The following CREB5 variants were observed in gnomAD, a reference collection of about 807,000 sequenced individuals.
The protein encoded by CREB5 is cyclic AMP-responsive element-binding protein 5.
A neutral mutation model predicts 57.1 loss-of-function variants in CREB5; 19 were observed. That is an observed-to-expected ratio of 0.33 (90% CI 0.23 to 0.49). The LOEUF is 0.49. Among genes scored for constraint, CREB5 ranks in the 20% least tolerant of loss-of-function variants. The probability of loss-of-function intolerance (pLI) is 0.99; values close to 1 mark genes in which losing one functional copy is unlikely to be tolerated. For synonymous variants in CREB5, 238 were observed against 238.3 expected (o/e 1.00, Z 0.01); for missense variants, 579 against 671.6 (o/e 0.86, Z 1.52).
intron 7 of CREB5, among the ~76,000 whole-genome samples, chr7:28,759,223 G>T (rs1805509897): frequency 6.6e-6 from 1 of 152,158 alleles, no homozygotes; most frequent in Admixed American, 6.5e-5. Flanking sequence ...ATGCCACAGA[G>T]ATTGTACTGG....
chr7:28,661,627 T>C (rs1329119312), intron 5 of CREB5, among the ~76,000 whole-genome samples: 2 of 152,236 alleles, frequency 1.3e-5, no homozygotes, highest in East Asian at 1.9e-4. Context: ...CCTATCTTTA[T>C]TGAAACAGAG....
At chr7:28,587,642 G>A (rs952489639) in intron 5 of CREB5, among the ~76,000 whole-genome samples, 7 of 152,154 alleles carry the variant, frequency 4.6e-5, no homozygotes, top group African/African-American at 1.4e-4. Context: ...TACATAAAGA[G>A]CAAGGCTAAA....
chr7:28,424,469 A>T (rs1788412171), intron 1 of CREB5, among the ~76,000 whole-genome samples: 2 of 152,210 alleles, frequency 1.3e-5, no homozygotes, highest in African/African-American at 4.8e-5. Flanking sequence ...GTCTTCGGAG[A>T]TGGGGATCCA....
At chr7:28,304,027 A>G (rs1388410203) in intron 1 of CREB5, among the ~76,000 whole-genome samples, 1 of 152,202 alleles carries the variant, frequency 6.6e-6, no homozygotes, top group Non-Finnish European at 1.5e-5. Context: ...TCCATTTGGA[A>G]TGCTATAATG....
At chr7:28,543,951 G>A (rs1280184301) in intron 4 of CREB5, among the ~76,000 whole-genome samples, 3 of 148,970 alleles carry the variant, frequency 2.0e-5, no homozygotes, top group African/African-American at 7.5e-5. Flanking sequence ...TATCTATCTC[G>A]TATGAGTGCC....
intron 7 of CREB5, among the ~76,000 whole-genome samples, chr7:28,768,000 TA>T (rs1211380324): frequency 2.0e-5 from 3 of 152,224 alleles, no homozygotes; most frequent in African/African-American, 7.2e-5. Context: ...AAAATTGGTC[TA>T]AGATCCCCAT....
At chr7:28,489,906 C>T (rs1361368439) in intron 2 of CREB5, among the ~76,000 whole-genome samples, 1 of 152,152 alleles carries the variant, frequency 6.6e-6, no homozygotes, top group Admixed American at 6.5e-5. Context: ...TCCTGCTAGA[C>T]CAGGACTCTT....
Position 28,819,245 on chromosome 7 carries a change from C to CGT in CREB5, c.1493_1494insGT (p.Thr499SerfsTer7). The CGT allele has an allele frequency of 6.2e-7, 1 of 1,613,806 alleles. No homozygotes were observed. The highest frequency in any genetic ancestry group is 8.5e-7 in the Non-Finnish European group (1 of 1,179,840). Reference sequence around the variant, plus strand: ...GGAAGCTCCACCCTCAGCCAGCTCACCACTCACAGAACAGACCTGAATCCG... The same window carrying CGT: ...GGAAGCTCCACCCTCAGCCAGCTCACGTCACTCACAGAACAGACCTGAATCCG... On this transcript the variant is annotated frameshift_variant, in exon 11 of 11. Coordinates refer to ENST00000357727, the MANE Select transcript of CREB5 (RefSeq NM_182898.4). LOFTEE classifies it high-confidence loss of function.
At chr7:28,462,579 A>G (rs77735020) in intron 1 of CREB5, among the ~76,000 whole-genome samples, 1 of 152,252 alleles carries the variant, frequency 6.6e-6, no homozygotes, top group African/African-American at 2.4e-5. Flanking sequence ...ATCATCACCA[A>G]CACTTTCCGG....
At chr7:28,515,974 G>A (rs1360724101) in intron 4 of CREB5, among the ~76,000 whole-genome samples, 4 of 151,926 alleles carry the variant, frequency 2.6e-5, no homozygotes, top group African/African-American at 7.3e-5. Context: ...GGGAGGCCTC[G>A]GGGTGAGAGG....
chr7:28,783,060 T>TGTGAAACAGTGAAGAGGTTCTAA (rs1807082456), intron 7 of CREB5, among the ~76,000 whole-genome samples: 1 of 152,184 alleles, frequency 6.6e-6, no homozygotes, highest in Non-Finnish European at 1.5e-5. Flanking sequence ...TGGGGATTGA[T>TGTGAAACAGTGAAGAGGTTCTAA]GTGAAACAGT....
chr7:28,510,685 T>G lies in CREB5; in HGVS notation c.291+2948T>G, dbSNP rs543571002. ...ATCCTTTTCCAGAAGCATCCCAATG[T>G]GTATATAGAATCAGCGCAGGCTGTA... On this transcript the variant is annotated intron_variant, in intron 4 of 10. Coordinates refer to ENST00000357727, the MANE Select transcript of CREB5 (RefSeq NM_182898.4). Among the ~76,000 whole-genome samples, 3 of 152,340 alleles carry G rather than the reference T, an allele frequency of 2.0e-5. No individual in the cohort carries two copies. The South Asian group carries it at 6.2e-4, about 32-fold the overall frequency.
At chr7:28,785,121 G>T (rs975896912) in intron 7 of CREB5, among the ~76,000 whole-genome samples, 13 of 152,124 alleles carry the variant, frequency 8.5e-5, no homozygotes, top group African/African-American at 2.9e-4. Flanking sequence ...CTCCAAGTTG[G>T]AAAAATAAAC....
chr7:28,448,931 T>C (rs548149517), intron 1 of CREB5, among the ~76,000 whole-genome samples: 90 of 152,348 alleles, frequency 5.9e-4, no homozygotes, highest in African/African-American at 2.1e-3. Context: ...TGACTTCTGC[T>C]TTGAGGTTCT....
chr7:28,561,009 T>TGTGCGTGC lies in CREB5; in HGVS notation c.292-9353_292-9352insCGTGCGTG, dbSNP rs1562798521. 9.5e-4 allele frequency among the ~76,000 whole-genome samples: 47 copies of TGTGCGTGC among 49,278 alleles called. 1 individual carries two copies. The highest frequency in any genetic ancestry group is 7.8e-4 in the Non-Finnish European group (22 of 28,058). 32.3% of individuals were successfully genotyped at this position (49,278 alleles called of 152,430 possible). On this transcript the variant is annotated intron_variant, in intron 4 of 10. Coordinates refer to ENST00000357727, the MANE Select transcript of CREB5 (RefSeq NM_182898.4). The stretch of plus-strand genomic sequence containing the variant: ...GCGTGTGTGTGCCTGCGTGTGCGTG[T>TGTGCGTGC]GTGTGTGCGTGTGTGCGTGTGTGTG...
chr7:28,554,843 A>G (rs889763009), intron 4 of CREB5, among the ~76,000 whole-genome samples: 1 of 152,234 alleles, frequency 6.6e-6, no homozygotes, highest in Non-Finnish European at 1.5e-5. Context: ...GACTGTTCAC[A>G]TGAGCGAGTC....
At chr7:28,814,496 G>A (rs780724369) in intron 9 of CREB5, among the ~76,000 whole-genome samples, 20 of 152,256 alleles carry the variant, frequency 1.3e-4, no homozygotes, top group South Asian at 8.3e-4. Context: ...AGCATAAGAG[G>A]TGCTAGAACT....
chr7:28,499,132 A>C, intron 3 of CREB5, among the ~76,000 whole-genome samples: 1 of 147,524 alleles, frequency 6.8e-6, no homozygotes, highest in East Asian at 2.0e-4. Flanking sequence ...CTTGTTAAAT[A>C]TCCCCACCCT....
intron 1 of CREB5, among the ~76,000 whole-genome samples, chr7:28,457,632 C>A (rs1790162129): frequency 6.6e-6 from 1 of 152,160 alleles, no homozygotes; most frequent in Non-Finnish European, 1.5e-5. Flanking sequence ...ATTAGAGATA[C>A]ATGCAGAAAA....
Sources: allele counts gnomAD v4.1 joint callset (sites outside exome capture counted in the v4.1 genomes callset), GRCh38; gene constraint gnomAD v4.1.1; transcripts MANE v1.5; gene names NCBI Gene and HGNC (gene_info 2026-07-23, HGNC 2026-07-21).